Variants in GGT5 observed in about 807,000 individuals in gnomAD.
GGT5 encodes gamma-glutamyltransferase 5.
In GGT5, 50 loss-of-function variants were observed where a neutral mutation model predicts 58.1. That is an observed-to-expected ratio of 0.86 (90% CI 0.69 to 1.09). The LOEUF (loss-of-function observed/expected upper bound fraction) is 1.09, where lower values mean the gene tolerates loss of function less well. Among genes scored for constraint, GGT5 ranks in the 50% least tolerant of loss-of-function variants. The pLI is 0.00. For synonymous variants in GGT5, 370 were observed against 346.1 expected (o/e 1.07, Z -0.77); for missense variants, 800 against 789.4 (o/e 1.01, Z -0.16).
rs1433940910 is a variant in GGT5, at chr22:24,244,637, G to T, written c.89C>A (p.Ser30Tyr). ...LAVIVLAVVLSRHQAPCGPQA... is the reference protein window; with the variant it reads ...LAVIVLAVVLYRHQAPCGPQA... The stretch of plus-strand genomic sequence containing the variant: ...GGGGCCACATGGGGCCTGGTGTCGA[G>T]AGAGGACCACAGCCAGCACAATGAC... The change falls in exon 1 of 12, where the codon TCT (serine) becomes TAT (tyrosine). Residue 30 changes from serine to tyrosine, a missense_variant. By Grantham distance (144) the Ser-to-Tyr change is moderately radical. Coordinates refer to ENST00000327365, the MANE Select transcript of GGT5 (RefSeq NM_004121.5). 1 of 1,612,900 alleles carries T rather than the reference G, an allele frequency of 6.2e-7. No homozygotes were observed. Among genetic ancestry groups the T allele is most frequent in the East Asian group, 2.2e-5 (1 of 44,876 alleles).
chr22:24,239,366 A>G (rs571840183), intron 1 of GGT5, among the ~76,000 whole-genome samples: 1 of 152,166 alleles, frequency 6.6e-6, no homozygotes, highest in South Asian at 2.1e-4. Flanking sequence ...AGAAGAGGTA[A>G]ACGTGTGGGT....
chr22:24,233,626 G>T, intron 2 of GGT5, 33 bp from the exon 3 acceptor site: 1 of 1,282,282 alleles, frequency 7.8e-7, no homozygotes, highest in South Asian at 1.3e-5. Flanking sequence ...AGTGGTCATG[G>T]ACCCTGCAGA....
At chr22:24,224,831 A>C (rs2047700951) in intron 11 of GGT5, among the ~76,000 whole-genome samples, 165 bp downstream of exon 11, 3 of 152,336 alleles carry the variant, frequency 2.0e-5, no homozygotes, top group Middle Eastern at 6.8e-3. Context: ...CCTGGAGGCC[A>C]CTGACAGCCT....
At chr22:24,234,636 A>G (rs1299862495) in intron 1 of GGT5, among the ~76,000 whole-genome samples, 1 of 152,166 alleles carries the variant, frequency 6.6e-6, no homozygotes, top group Non-Finnish European at 1.5e-5. Context: ...CTTGGCCAAC[A>G]TGGTGAAACC....
chr22:24,232,800 C>T, intron 4 of GGT5, 23 bp downstream of exon 4: 1 of 1,464,126 alleles, frequency 6.8e-7, no homozygotes, highest in Non-Finnish European at 9.1e-7. Context: ...CCCAGGAACC[C>T]AGGGCCACCA....
intron 11 of GGT5, among the ~76,000 whole-genome samples, chr22:24,224,395 G>A (rs1358251660): frequency 6.6e-6 from 1 of 151,996 alleles, no homozygotes; most frequent in African/African-American, 2.4e-5. Context: ...GCACACACCT[G>A]TAGTCCTAGT....
Position 24,225,547 on chromosome 22 carries a change from A to C in GGT5, c.1335T>G (p.Pro445=). ...CPRGSGTTPS[P]VSGDRVGGAP... ...CCGGGTGGGAAGCTTTGTTCTCACC[A>C]GGTGAGGGGGTGGTGCCGGAACCCC... is the stretch of plus-strand genomic sequence containing the variant. Residue 445 remains proline, a splice_region_variant and synonymous_variant, in exon 9 of 12, where the codon CCT becomes CCG. Transcript: ENST00000327365. 2 of 1,605,860 alleles carry C rather than the reference A, an allele frequency of 1.2e-6. No homozygotes were observed. Among genetic ancestry groups the C allele is most frequent in the Non-Finnish European group, 1.7e-6 (2 of 1,172,494 alleles).
intron 1 of GGT5, among the ~76,000 whole-genome samples, chr22:24,238,664 A>G (rs1369457649): frequency 7.8e-6 from 1 of 128,820 alleles, no homozygotes; most frequent in Non-Finnish European, 1.6e-5. Flanking sequence ...AGATCACGCC[A>G]CTATACTCCA....
Position 24,244,979 on chromosome 22 carries a change from A to T in GGT5, c.-254T>A, listed in dbSNP as rs1052914049. On this transcript the variant is annotated 5_prime_UTR_variant, in exon 1 of 12. Coordinates refer to ENST00000327365, the MANE Select transcript of GGT5 (RefSeq NM_004121.5). ...CTTACAGATGGGCGGACAGACAGAC[A>T]GGTCTGAACAGCGGGCTGCCAGATG... 2.0e-5 allele frequency: 11 copies of T among 559,618 alleles called. No homozygotes were observed. Among genetic ancestry groups the T allele is most frequent in the Non-Finnish European group, 3.4e-5 (11 of 325,986 alleles). 34.7% of individuals were successfully genotyped at this position (559,618 alleles called of 1,614,324 possible).
In GGT5 at chr22:24,244,966, C is replaced by T. The variant is rs1299910623; in HGVS notation, c.-241G>A. 1.1e-5 allele frequency: 7 copies of T among 619,786 alleles called. No individual in the cohort carries two copies. Among genetic ancestry groups the T allele is most frequent in the South Asian group, 6.8e-5 (3 of 43,900 alleles). The allele number at this position is 619,786 out of a possible 1,614,324, so 38.4% of individuals were successfully genotyped here. On this transcript the variant is annotated 5_prime_UTR_variant, in exon 1 of 12. Transcript: ENST00000327365. ...GGACAGAGATGGGCTTACAGATGGG[C>T]GGACAGACAGACAGGTCTGAACAGC...
At chr22:24,232,701 C>T in intron 4 of GGT5, 122 bp downstream of exon 4, 1 of 613,520 alleles carries the variant, frequency 1.6e-6, no homozygotes, top group Non-Finnish European at 2.6e-6. Flanking sequence ...TTTGTCCTGG[C>T]CAGCACCCCG....
Position 24,220,741 on chromosome 22 carries a change from C to A in GGT5, c.1615-625G>T, listed in dbSNP as rs1358419969. ...CAAGACACCGTCTCTAAAAGAAAAT[C>A]AAAAATTGGGCTGGGCGTGGTGGCT... is the stretch of plus-strand genomic sequence containing the variant. On this transcript the variant is annotated intron_variant, in intron 11 of 11. Coordinates refer to ENST00000327365, the MANE Select transcript of GGT5 (RefSeq NM_004121.5). 12 of 448,716 alleles carry A rather than the reference C, an allele frequency of 2.7e-5. No individual in the cohort carries two copies. In the East Asian group the frequency reaches 3.5e-4, roughly 13 times the overall value. 27.8% of individuals were successfully genotyped at this position (448,716 alleles called of 1,614,324 possible). A position where few individuals can be genotyped will look rare whatever the true frequency, so the allele number is the denominator to read the frequency against.
At chr22:24,233,747 TG>T (rs1474159116) in intron 2 of GGT5, 126 bp downstream of exon 2, 1 of 990,274 alleles carries the variant, frequency 1.0e-6, no homozygotes. Context: ...CTGAGGCAAA[TG>T]GGGCAGGGCA....
rs534472469 is a variant in GGT5 at position 24,221,095 on chromosome 22, T to C, written c.1615-979A>G. On this transcript the variant is annotated intron_variant, in intron 11 of 11. Transcript: ENST00000327365. ...AGACAGGGAAAGAGATCTAACTTAATCGACTCCATCTTGCTTCTAACCTCC... is the reference window on the plus strand; with the variant it reads ...AGACAGGGAAAGAGATCTAACTTAACCGACTCCATCTTGCTTCTAACCTCC... Among the ~76,000 whole-genome samples, 37 of 150,488 alleles carry C rather than the reference T, an allele frequency of 2.5e-4. 1 individual carries two copies. The South Asian group carries it at 6.4e-3, about 26-fold the overall frequency.
chr22:24,231,535 G>T lies in GGT5; in HGVS notation c.755-5C>A. The T allele has an allele frequency of 6.3e-7, 1 of 1,587,810 alleles. No homozygotes were observed. Among genetic ancestry groups the T allele is most frequent in the Non-Finnish European group, 8.6e-7 (1 of 1,167,160 alleles). ...CCTGCAGCGTCAGCTGGCTCCCTGGGATGAGAAGGAGAGGGCTCCATGAAC... is the reference window on the plus strand; with the variant it reads ...CCTGCAGCGTCAGCTGGCTCCCTGGTATGAGAAGGAGAGGGCTCCATGAAC... On this transcript the variant is annotated splice_polypyrimidine_tract_variant and splice_region_variant and intron_variant, in intron 5 of 11. Transcript: ENST00000327365.
Position 24,233,867 on chromosome 22 carries a change from G to C in GGT5, c.304+7C>G, listed in dbSNP as rs1294465089. The C allele has an allele frequency of 6.2e-7, 1 of 1,612,700 alleles. No individual in the cohort carries two copies. The highest frequency in any genetic ancestry group is 8.5e-7 in the Non-Finnish European group (1 of 1,178,884). On this transcript the variant is annotated splice_region_variant and intron_variant, in intron 2 of 11. Coordinates refer to ENST00000327365, the MANE Select transcript of GGT5 (RefSeq NM_004121.5). ...TCTTCCCCATGGCAGTTCACATGTG[G>C]GCCCACCTGTTGTCACATTGTAGAT... is the stretch of plus-strand genomic sequence containing the variant.
intron 7 of GGT5, 72 bp downstream of exon 7, chr22:24,226,559 C>T: frequency 6.6e-7 from 1 of 1,511,500 alleles, no homozygotes; most frequent in Non-Finnish European, 9.2e-7. Flanking sequence ...CCAGGCCTGA[C>T]CCTCATTTCA....
At chr22:24,239,468 G>A (rs1300061387) in intron 1 of GGT5, among the ~76,000 whole-genome samples, 2 of 152,108 alleles carry the variant, frequency 1.3e-5, no homozygotes, top group African/African-American at 4.8e-5. Context: ...AAATATGTAT[G>A]GGTAAAGTTA....
chr22:24,227,751 G>C (rs1242238302), intron 6 of GGT5, among the ~76,000 whole-genome samples: 4 of 151,976 alleles, frequency 2.6e-5, no homozygotes, highest in Non-Finnish European at 5.9e-5. Flanking sequence ...AGTGGGAAGA[G>C]GCTGTGAAAA....
Sources: allele counts gnomAD v4.1 joint callset (sites outside exome capture counted in the v4.1 genomes callset), GRCh38; gene constraint gnomAD v4.1.1; transcripts MANE v1.5; gene names NCBI Gene and HGNC (gene_info 2026-07-23, HGNC 2026-07-21).